Variants in PPFIA2 observed in about 807,000 individuals in gnomAD.
PPFIA2 encodes PPFI scaffold protein A2.
In PPFIA2, 46 loss-of-function variants were observed where a neutral mutation model predicts 175.5. The observed-to-expected ratio is 0.26, with a 90% confidence interval of 0.21 to 0.34. The LOEUF is 0.34. PPFIA2 is among the 10% of genes least tolerant of loss of function. The pLI is 1.00. For synonymous variants in PPFIA2, 568 were observed against 511.4 expected (o/e 1.11, Z -1.49); for missense variants, 1,179 against 1,506.1 (o/e 0.78, Z 3.60).
At chr12:81,699,241 G>T (rs2076229939) in intron 3 of PPFIA2, among the ~76,000 whole-genome samples, 1 of 151,972 alleles carries the variant, frequency 6.6e-6, no homozygotes, top group South Asian at 2.1e-4. Context: ...ACTTAAAATT[G>T]ATTTGTTTCT....
chr12:81,428,226 TA>T (rs932050209), intron 7 of PPFIA2, among the ~76,000 whole-genome samples: 268 of 150,836 alleles, frequency 1.8e-3, no homozygotes, highest in African/African-American at 6.1e-3. Flanking sequence ...CTACCACAAA[TA>T]AAAAAAAACC....
intron 4 of PPFIA2, among the ~76,000 whole-genome samples, chr12:81,548,103 A>C (rs531219234): frequency 6.6e-6 from 1 of 152,278 alleles, no homozygotes; most frequent in East Asian, 1.9e-4. Flanking sequence ...TCCAAGCCAA[A>C]ACTTAGAAAA....
chr12:81,694,964 A>G (rs1050844341), intron 3 of PPFIA2, among the ~76,000 whole-genome samples: 1 of 152,166 alleles, frequency 6.6e-6, no homozygotes, highest in Non-Finnish European at 1.5e-5. Flanking sequence ...TCATAATTGC[A>G]TGAGGTCTAC....
At chr12:81,648,406 T>G (rs2066492319) in intron 4 of PPFIA2, among the ~76,000 whole-genome samples, 1 of 151,828 alleles carries the variant, frequency 6.6e-6, no homozygotes, top group African/African-American at 2.4e-5. Context: ...TGATACAAAG[T>G]TAATATAAAA....
Position 81,353,203 on chromosome 12 carries a change from A to G in PPFIA2, c.1910T>C (p.Leu637Pro). Residue 637 changes from leucine to proline, a missense_variant, in exon 17 of 33, where the codon CTT (leucine) becomes CCT (proline). Physicochemically the swap from Leu to Pro is moderately conservative, Grantham distance 98. Around this residue, in one of 10 missense-constraint regions of PPFIA2, gnomAD observed 186 missense variants for 163.6 expected, o/e 1.14. Coordinates refer to ENST00000549396, the MANE Select transcript of PPFIA2 (RefSeq NM_003625.5). ...DRETIFSSMD[L>P]LSPSGHSDAQ... ...ATCGGAATGACCACTTGGAGAGAGA[A>G]GATCCATTGAGCTAAAAATTGTTTC... 6.2e-7 allele frequency: 1 copy of G among 1,613,844 alleles called. No homozygotes were observed. Among genetic ancestry groups the G allele is most frequent in the Non-Finnish European group, 8.5e-7 (1 of 1,179,818 alleles).
intron 4 of PPFIA2, among the ~76,000 whole-genome samples, chr12:81,625,643 A>G (rs905167909): frequency 6.6e-6 from 1 of 151,776 alleles, no homozygotes; most frequent in Non-Finnish European, 1.5e-5. Context: ...AACCTGAAAG[A>G]AAAGATTCTT....
At chr12:81,363,519 T>A (rs2086033315) in intron 14 of PPFIA2, among the ~76,000 whole-genome samples, 1 of 151,702 alleles carries the variant, frequency 6.6e-6, no homozygotes, top group Admixed American at 6.6e-5. Flanking sequence ...GTTTTAATGA[T>A]TATAACTGTT....
At chr12:81,360,146 TC>T (rs2061406889) in intron 15 of PPFIA2, among the ~76,000 whole-genome samples, 12 of 151,910 alleles carry the variant, frequency 7.9e-5, no homozygotes, top group Admixed American at 7.9e-4. Flanking sequence ...ATTGTACCAG[TC>T]CTCAAACTCA....
At chr12:81,360,070 A>C (rs573381870) in intron 15 of PPFIA2, among the ~76,000 whole-genome samples, 1 of 151,900 alleles carries the variant, frequency 6.6e-6, no homozygotes, top group Non-Finnish European at 1.5e-5. Flanking sequence ...TGTGGTTAAC[A>C]GTTTTAAGGT....
chr12:81,543,418 C>A (rs960110258), intron 4 of PPFIA2, among the ~76,000 whole-genome samples: 4 of 151,840 alleles, frequency 2.6e-5, no homozygotes, highest in Admixed American at 2.6e-4. Flanking sequence ...ACAAAAAAGG[C>A]AGAAATAAAG....
chr12:81,721,375 G>A (rs1405950701), intron 3 of PPFIA2, among the ~76,000 whole-genome samples: 2 of 151,238 alleles, frequency 1.3e-5, no homozygotes, highest in East Asian at 3.9e-4. Context: ...AGGGACTATG[G>A]TTACTATTTT....
chr12:81,423,628 T>C (rs1836416736), intron 7 of PPFIA2, among the ~76,000 whole-genome samples: 1 of 152,134 alleles, frequency 6.6e-6, no homozygotes, highest in Non-Finnish European at 1.5e-5. Flanking sequence ...GAAAAGTACA[T>C]AGCTAACATC....
In PPFIA2 at chr12:81,749,180, G is replaced by A. The variant is rs774349885; in HGVS notation, c.249+4793C>T. Reference sequence around the variant, plus strand: ...GAATATCTCAGAATCTTTACCAATCGTTTCTCAAAAATACCTCTTTAATAT... The same window carrying A: ...GAATATCTCAGAATCTTTACCAATCATTTCTCAAAAATACCTCTTTAATAT... On this transcript the variant is annotated intron_variant, in intron 3 of 32. Coordinates refer to ENST00000549396, the MANE Select transcript of PPFIA2 (RefSeq NM_003625.5). 1.4e-5 allele frequency among the ~76,000 whole-genome samples: 2 copies of A among 144,018 alleles called. 1 individual carries two copies. Among genetic ancestry groups the A allele is most frequent in the East Asian group, 4.2e-4 (2 of 4,708 alleles). 94.5% of individuals were successfully genotyped at this position (144,018 alleles called of 152,430 possible).
intron 7 of PPFIA2, among the ~76,000 whole-genome samples, chr12:81,427,418 G>A (rs1045331308): frequency 2.6e-5 from 4 of 151,970 alleles, no homozygotes; most frequent in Admixed American, 1.3e-4. Context: ...TGGGTTCGGG[G>A]TATTGTTACA....
At chr12:81,644,773 G>A (rs2065826778) in intron 4 of PPFIA2, among the ~76,000 whole-genome samples, 2 of 152,062 alleles carry the variant, frequency 1.3e-5, no homozygotes, top group African/African-American at 4.8e-5. Flanking sequence ...TGTAAGCATA[G>A]TGCTCAATGA....
intron 4 of PPFIA2, among the ~76,000 whole-genome samples, chr12:81,660,210 C>T (rs774957829): frequency 3.9e-5 from 6 of 152,256 alleles, no homozygotes; most frequent in Non-Finnish European, 5.9e-5. Context: ...ATGACTTTGA[C>T]GAGTTGAGAG....
intron 3 of PPFIA2, among the ~76,000 whole-genome samples, chr12:81,713,529 A>T (rs1305466602): frequency 6.6e-6 from 1 of 151,236 alleles, no homozygotes; most frequent in East Asian, 2.0e-4. Context: ...TACAGCTTCC[A>T]TAGTCTGCAA....
intron 21 of PPFIA2, among the ~76,000 whole-genome samples, chr12:81,333,529 A>G (rs952354322): frequency 5.3e-5 from 8 of 152,180 alleles, no homozygotes; most frequent in African/African-American, 1.9e-4. Flanking sequence ...ATCATAGCAG[A>G]GTAGAGTAGA....
At chr12:81,552,143 T>A (rs1213153426) in intron 4 of PPFIA2, among the ~76,000 whole-genome samples, 1 of 151,756 alleles carries the variant, frequency 6.6e-6, no homozygotes, top group Non-Finnish European at 1.5e-5. Flanking sequence ...AATAATACTA[T>A]ATAATAACCA....
Sources: allele counts gnomAD v4.1 joint callset (sites outside exome capture counted in the v4.1 genomes callset), GRCh38; gene constraint gnomAD v4.1.1; regional missense constraint gnomAD v4.1.1; transcripts MANE v1.5; gene names NCBI Gene and HGNC (gene_info 2026-07-23, HGNC 2026-07-21).